ZYG11A: variants seen among roughly 807,000 people sequenced by gnomAD.
ZYG11A encodes protein zyg-11 homolog A.
In ZYG11A, 62 loss-of-function variants were observed where a neutral mutation model predicts 77.2. That is an observed-to-expected ratio of 0.80 (90% CI 0.65 to 0.99). The LOEUF is 0.99. ZYG11A is among the 50% of genes least tolerant of loss of function. The probability of loss-of-function intolerance (pLI) is 0.00; values close to 1 mark genes in which losing one functional copy is unlikely to be tolerated. For missense variants in ZYG11A, 828 were observed against 896.8 expected, an observed-to-expected ratio of 0.92 and a Z score of 0.98; for synonymous variants, 315 against 324.6, an observed-to-expected ratio of 0.97 and a Z score of 0.32.
At position 52,857,339 on chromosome 1, in the gene ZYG11A, A is replaced by C. The variant is rs760367710; in HGVS notation, c.598A>C (p.Asn200His). 1.4e-5 allele frequency: 22 copies of C among 1,551,726 alleles called. No individual in the cohort carries two copies. Among genetic ancestry groups the C allele is most frequent in the Non-Finnish European group, 7.8e-6 (9 of 1,147,020 alleles). Residue 200 changes from asparagine to histidine, a missense_variant, in exon 3 of 14, where the codon AAT becomes CAT. Coordinates refer to ENST00000371528, the MANE Select transcript of ZYG11A (RefSeq NM_001004339.3). ...NVCFHTEDLA[N>H]VSQLPRLESL... ...TTGTTTTCATACTGAAGACCTGGCT[A>C]ATGTTTCTCAGTTACCAAGACTGGA...
chr1:52,864,304 G>A, intron 5 of ZYG11A, 147 bp downstream of exon 5: 2 of 790,530 alleles, frequency 2.5e-6, no homozygotes, highest in Non-Finnish European at 3.9e-6. Context: ...GGAGTGCGGT[G>A]GCACGATCTC....
intron 12 of ZYG11A, among the ~76,000 whole-genome samples, chr1:52,886,696 C>A (rs1225333326): frequency 1.0e-5 from 1 of 99,474 alleles, no homozygotes; most frequent in Non-Finnish European, 2.0e-5. Context: ...CCAGGCCCAG[C>A]TAATTTTTTT....
At chr1:52,870,293 C>G (rs1358503571) in intron 8 of ZYG11A, among the ~76,000 whole-genome samples, 3 of 146,062 alleles carry the variant, frequency 2.1e-5, no homozygotes, top group African/African-American at 7.6e-5. Flanking sequence ...TCCTCACATC[C>G]CAGACAATGG....
chr1:52,872,723 A>G (rs988778776), intron 8 of ZYG11A, among the ~76,000 whole-genome samples: 1 of 151,234 alleles, frequency 6.6e-6, no homozygotes, highest in Non-Finnish European at 1.5e-5. Flanking sequence ...TCTATTAAAA[A>G]TACAAAAAAA....
At chr1:52,861,353 ATTG>A (rs1204604132) in intron 4 of ZYG11A, among the ~76,000 whole-genome samples, 8 of 152,332 alleles carry the variant, frequency 5.3e-5, no homozygotes, top group Middle Eastern at 3.4e-3. Flanking sequence ...TTATTTGAAA[ATTG>A]TTGTTTTTAG....
intron 8 of ZYG11A, among the ~76,000 whole-genome samples, chr1:52,870,138 C>CA (rs1355061027): frequency 6.8e-6 from 1 of 147,602 alleles, no homozygotes; most frequent in African/African-American, 2.5e-5. Context: ...CCCCACATCT[C>CA]AGACGATGGG....
rs1192192943 is a variant in ZYG11A, at chr1:52,857,691, G to T, written c.950G>T (p.Gly317Val). The T allele has an allele frequency of 1.3e-6, 2 of 1,552,174 alleles. No individual in the cohort carries two copies. Among genetic ancestry groups the T allele is most frequent in the South Asian group, 1.2e-5 (1 of 83,984 alleles). ...IRLRPAMQFV[G>V]LLATDAGSSD... ...CTGCGGCCTGCCATGCAATTTGTGGGACTATTGGCCACGGATGCTGGCTCT... is the reference window on the plus strand; with the variant it reads ...CTGCGGCCTGCCATGCAATTTGTGGTACTATTGGCCACGGATGCTGGCTCT... The change falls in exon 3 of 14, where the codon GGA (glycine) becomes GTA (valine). Residue 317 changes from glycine (G) to valine (V), a missense_variant. Gly to Val is a moderately radical substitution (Grantham distance 109). Coordinates refer to ENST00000371528, the MANE Select transcript of ZYG11A (RefSeq NM_001004339.3).
chr1:52,892,786 C>A lies in ZYG11A; in HGVS notation c.2109C>A (p.Ser703Arg). 6.4e-7 allele frequency: 1 copy of A among 1,551,432 alleles called. No homozygotes were observed. Among genetic ancestry groups the A allele is most frequent in the Non-Finnish European group, 8.7e-7 (1 of 1,146,920 alleles). ...AMYHVCSKNP[S>R]KYCKMLVEEE... ...CTCTGCTTGATTTTCTTTCAGCCAG[C>A]AAATACTGCAAAATGTTAGTTGAAG... is the stretch of plus-strand genomic sequence containing the variant. Residue 703 changes from serine (S) to arginine (R), a missense_variant, in exon 14 of 14, where the codon AGC becomes AGA. Ser to Arg is a moderately radical substitution (Grantham distance 110). Transcript: ENST00000371528.
intron 13 of ZYG11A, among the ~76,000 whole-genome samples, chr1:52,892,330 A>G: frequency 6.7e-6 from 1 of 148,740 alleles, no homozygotes; most frequent in Non-Finnish European, 1.5e-5. Context: ...GATCGAGACC[A>G]TCCTGGCTAA....
chr1:52,869,796 G>A (rs1646106897), intron 8 of ZYG11A, among the ~76,000 whole-genome samples: 1 of 151,680 alleles, frequency 6.6e-6, no homozygotes, highest in South Asian at 2.1e-4. Flanking sequence ...GGGCAGAGGG[G>A]CTCCTCACTT....
chr1:52,842,771 G>C lies in ZYG11A; in HGVS notation c.-113G>C, dbSNP rs1645469591. 2 of 1,012,588 alleles carry C rather than the reference G, an allele frequency of 2.0e-6. No homozygotes were observed. The highest frequency in any genetic ancestry group is 6.4e-5 in the East Asian group (2 of 31,386). 62.7% of individuals were successfully genotyped at this position (1,012,588 alleles called of 1,614,324 possible). On this transcript the variant is annotated 5_prime_UTR_variant, in exon 1 of 14. Transcript: ENST00000371528. The stretch of plus-strand genomic sequence containing the variant: ...CGGCAGGGCGCGGCGCTAGCTCCGT[G>C]TGCCTCGCAGGCGTGGTGGGCGCGT...
chr1:52,867,643 G>T lies in ZYG11A; in HGVS notation c.1491+5G>T. ...ACCTCTATTCTGGCTCTGCAGGTTT[G>T]TGATTTCTTAAAGGCAAGATGTCTA... On this transcript the variant is annotated splice_donor_5th_base_variant and intron_variant, in intron 7 of 13. Coordinates refer to ENST00000371528, the MANE Select transcript of ZYG11A (RefSeq NM_001004339.3). 6.4e-7 allele frequency: 1 copy of T among 1,551,860 alleles called. No individual in the cohort carries two copies. The highest frequency in any genetic ancestry group is 8.7e-7 in the Non-Finnish European group (1 of 1,146,806).
chr1:52,890,098 T>C (rs1383364590), intron 13 of ZYG11A, among the ~76,000 whole-genome samples: 1 of 150,046 alleles, frequency 6.7e-6, no homozygotes, highest in Non-Finnish European at 1.5e-5. Flanking sequence ...CCACTCCTTT[T>C]CTGGATTCAG....
At chr1:52,863,443 C>T (rs1645966230) in intron 4 of ZYG11A, among the ~76,000 whole-genome samples, 1 of 152,152 alleles carries the variant, frequency 6.6e-6, no homozygotes, top group Non-Finnish European at 1.5e-5. Context: ...CTACATTTAT[C>T]TCCTCCTGTG....
chr1:52,860,609 A>G (rs1189838683), intron 3 of ZYG11A, 122 bp from the exon 4 acceptor site: 8 of 1,126,822 alleles, frequency 7.1e-6, no homozygotes, highest in African/African-American at 3.1e-5. Context: ...CACCTGGAAC[A>G]TTTAATTGAA....
chr1:52,872,361 C>T (rs2150010791), intron 8 of ZYG11A, among the ~76,000 whole-genome samples: 1 of 152,102 alleles, frequency 6.6e-6, no homozygotes, highest in East Asian at 1.9e-4. Flanking sequence ...TCCTTGGTCT[C>T]CCAAAGTGCT....
At chr1:52,847,121 C>T (rs759270852) in intron 1 of ZYG11A, among the ~76,000 whole-genome samples, 61 of 152,130 alleles carry the variant, frequency 4.0e-4, no homozygotes, top group Non-Finnish European at 6.6e-4. Context: ...AGTGCGGTGG[C>T]GTGATCTCGA....
chr1:52,857,141 G>T lies in ZYG11A; in HGVS notation c.400G>T (p.Ala134Ser). The T allele has an allele frequency of 6.4e-7, 1 of 1,551,880 alleles. No individual in the cohort carries two copies. Among genetic ancestry groups the T allele is most frequent in the South Asian group, 1.2e-5 (1 of 84,066 alleles). ...RHKLIELNAT[A>S]VHADLPVPDI... ...TAAGCTCATTGAACTGAATGCTACT[G>T]CAGTGCACGCTGACCTCCCAGTTCC... The change falls in exon 3 of 14, where the codon GCA (alanine) becomes TCA (serine). Residue 134 changes from alanine (A) to serine (S), a missense_variant. Ala to Ser is a moderately conservative substitution (Grantham distance 99). Coordinates refer to ENST00000371528, the MANE Select transcript of ZYG11A (RefSeq NM_001004339.3).
chr1:52,871,532 T>G (rs1646165774), intron 8 of ZYG11A, among the ~76,000 whole-genome samples: 4 of 151,802 alleles, frequency 2.6e-5, no homozygotes, highest in Admixed American at 1.3e-4. Flanking sequence ...AGTCCCACTC[T>G]GTCACCAGGC....
Sources: gnomAD v4.1 joint callset for allele counts (sites outside exome capture counted in the v4.1 genomes callset) on GRCh38, gnomAD v4.1.1 for gene constraint, MANE v1.5 for transcripts, NCBI Gene and HGNC (gene_info 2026-07-23, HGNC 2026-07-21) for gene names.